The following STX8 variants were observed in gnomAD, a reference collection of about 807,000 sequenced individuals.
STX8 encodes the protein syntaxin-8.
STX8 carries 23 observed loss-of-function variants against 37.5 expected under a neutral mutation model. That is an observed-to-expected ratio of 0.61 (90% CI 0.44 to 0.87). The LOEUF (loss-of-function observed/expected upper bound fraction) is 0.87, where lower values mean the gene tolerates loss of function less well. STX8 is among the 40% of genes least tolerant of loss of function. STX8 has a pLI of 0.00. For synonymous variants in STX8, 115 were observed against 99.1 expected, an observed-to-expected ratio of 1.16 and a Z score of -0.95; for missense variants, 313 against 284.7, an observed-to-expected ratio of 1.10 and a Z score of -0.71.
chr17:9,438,667 G>T (rs904276600), intron 6 of STX8, among the ~76,000 whole-genome samples: 1 of 152,124 alleles, frequency 6.6e-6, no homozygotes, highest in Admixed American at 6.6e-5. Context: ...GGTGGCTCAC[G>T]TCTGTAATCC....
intron 6 of STX8, among the ~76,000 whole-genome samples, chr17:9,477,133 C>A (rs28651067): frequency 0.025 from 3,773 of 152,252 alleles, 134 homozygotes; most frequent in African/African-American, 0.084. Context: ...GCTAGGATTA[C>A]AGGCACAAGG....
chr17:9,539,497 G>A (rs942838368), intron 4 of STX8, among the ~76,000 whole-genome samples: 3 of 152,204 alleles, frequency 2.0e-5, no homozygotes, highest in Admixed American at 1.3e-4. Context: ...AACAGTAAAT[G>A]TGTTGTGGTC....
chr17:9,349,908 T>G (rs1428639319), intron 7 of STX8, among the ~76,000 whole-genome samples: 2 of 152,078 alleles, frequency 1.3e-5, no homozygotes, highest in African/African-American at 4.8e-5. Context: ...AGTTTTTAAA[T>G]TTTTCTTTTG....
rs1348742409 is a variant in STX8, at chr17:9,523,347, A to G, written c.324-18185T>C. Among the ~76,000 whole-genome samples, 8 of 150,794 alleles carry G rather than the reference A, an allele frequency of 5.3e-5. 1 individual carries two copies. In the South Asian group the frequency reaches 6.4e-4, roughly 12 times the overall value. On this transcript the variant is annotated intron_variant, in intron 4 of 7. Transcript: ENST00000306357. ...AAAAAAATCACACTGTACCCCATAA[A>G]TATGTACACTTATATGTCAATTAAA...
At chr17:9,571,029 T>C (rs543781956) in intron 1 of STX8, among the ~76,000 whole-genome samples, 1 of 152,122 alleles carries the variant, frequency 6.6e-6, no homozygotes, top group East Asian at 1.9e-4. Flanking sequence ...TATAAAATGG[T>C]AGAGATGAGT....
intron 7 of STX8, among the ~76,000 whole-genome samples, chr17:9,367,973 C>T (rs1911281726): frequency 6.6e-6 from 1 of 151,956 alleles, no homozygotes; most frequent in South Asian, 2.1e-4. Flanking sequence ...TTCAGGTGAT[C>T]CACCTGCCTC....
intron 6 of STX8, among the ~76,000 whole-genome samples, chr17:9,442,467 A>C (rs1904699106): frequency 6.6e-6 from 1 of 152,140 alleles, no homozygotes; most frequent in South Asian, 2.1e-4. Context: ...TTGCAGTCTC[A>C]GTGATCTCAG....
At chr17:9,488,871 CGT>C (rs150176375) in intron 6 of STX8, among the ~76,000 whole-genome samples, 531 of 148,048 alleles carry the variant, frequency 3.6e-3, no homozygotes, top group Non-Finnish European at 6.4e-3. Flanking sequence ...CGCTCGGTCA[CGT>C]GTGTGTGTGT....
At chr17:9,275,964 TA>T (rs1907661244) in intron 7 of STX8, among the ~76,000 whole-genome samples, 2 of 152,114 alleles carry the variant, frequency 1.3e-5, no homozygotes, top group African/African-American at 4.8e-5. Context: ...AAATGCTCAA[TA>T]AACACTCACT....
At chr17:9,487,732 G>A (rs1906662252) in intron 6 of STX8, among the ~76,000 whole-genome samples, 1 of 152,152 alleles carries the variant, frequency 6.6e-6, no homozygotes, top group Admixed American at 6.5e-5. Context: ...GGGGAGGTGT[G>A]GGGGAAGCAG....
At chr17:9,382,196 CAT>C (rs199564784) in intron 6 of STX8, among the ~76,000 whole-genome samples, 11 of 148,828 alleles carry the variant, frequency 7.4e-5, no homozygotes, top group South Asian at 2.1e-4. Context: ...CACACACACA[CAT>C]ATGCCCTGCC....
At chr17:9,373,558 C>T (rs1004364679) in intron 7 of STX8, among the ~76,000 whole-genome samples, 13 of 152,254 alleles carry the variant, frequency 8.5e-5, no homozygotes, top group African/African-American at 3.1e-4. Context: ...ATCATATCTA[C>T]AGAGACAGAA....
intron 4 of STX8, among the ~76,000 whole-genome samples, chr17:9,543,292 G>GTACTTTTTTTTTTTTTTTTTTTTTTTTTT (rs371620984): frequency 2.9e-5 from 1 of 33,972 alleles, no homozygotes; most frequent in African/African-American, 1.6e-4. Context: ...CTAGAAGACA[G>GTACTTTTTTTTTTTTTTTTTTTTTTTTTT]TTTTTTGGTT....
chr17:9,405,390 TA>T (rs1912766890), intron 6 of STX8, among the ~76,000 whole-genome samples: 2 of 152,142 alleles, frequency 1.3e-5, no homozygotes, highest in African/African-American at 4.8e-5. Context: ...AAAAGAACTT[TA>T]AAAGGCAGTC....
chr17:9,571,715 G>A (rs1907698443), intron 1 of STX8, among the ~76,000 whole-genome samples: 1 of 151,746 alleles, frequency 6.6e-6, no homozygotes, highest in South Asian at 2.1e-4. Flanking sequence ...AGGAGTTCAA[G>A]ACCAGCCTGG....
intron 2 of STX8, among the ~76,000 whole-genome samples, chr17:9,567,039 G>A (rs917066355): frequency 2.0e-5 from 3 of 152,226 alleles, no homozygotes; most frequent in Non-Finnish European, 4.4e-5. Context: ...ACCAAATACC[G>A]CATGTTCTCA....
intron 6 of STX8, among the ~76,000 whole-genome samples, chr17:9,395,037 C>G (rs1329369271): frequency 6.6e-6 from 1 of 150,502 alleles, no homozygotes; most frequent in East Asian, 2.0e-4. Flanking sequence ...GATTGCGCCA[C>G]TGCACTCCAG....
At chr17:9,429,635 G>A (rs1358578649) in intron 6 of STX8, among the ~76,000 whole-genome samples, 17 of 132,480 alleles carry the variant, frequency 1.3e-4, no homozygotes, top group East Asian at 8.4e-4. Flanking sequence ...CCCAGGAGGC[G>A]GAGCTTGCAG....
At chr17:9,546,598 T>TTTG (rs1555536195) in intron 3 of STX8, among the ~76,000 whole-genome samples, 4 of 124,236 alleles carry the variant, frequency 3.2e-5, no homozygotes, top group East Asian at 4.7e-4. Context: ...GTGGTTTTTT[T>TTTG]TTTTTTTTTT....
Sources: gnomAD v4.1 joint callset for allele counts (sites outside exome capture counted in the v4.1 genomes callset) on GRCh38, gnomAD v4.1.1 for gene constraint, MANE v1.5 for transcripts, NCBI Gene and HGNC (gene_info 2026-07-23, HGNC 2026-07-21) for gene names.